HMCN1: variants seen among roughly 807,000 people sequenced by gnomAD.
The protein encoded by HMCN1 is hemicentin-1.
Under a neutral mutation model 625.9 loss-of-function variants are expected in HMCN1, and 321 were observed. The ratio of observed to expected loss-of-function variants is 0.51; its 90% CI spans 0.47 to 0.56. The LOEUF (loss-of-function observed/expected upper bound fraction) is 0.56, where lower values mean the gene tolerates loss of function less well. Among genes scored for constraint, HMCN1 ranks in the 20% least tolerant of loss-of-function variants. HMCN1 has a pLI of 0.00. For synonymous variants in HMCN1, 2,425 were observed against 2,417.6 expected (o/e 1.00, Z -0.09); for missense variants, 6,588 against 6,887.3 (o/e 0.96, Z 1.54).
chr1:185,897,709 T>C (rs1665566486), intron 4 of HMCN1, among the ~76,000 whole-genome samples: 2 of 152,148 alleles, frequency 1.3e-5, no homozygotes, highest in South Asian at 4.1e-4. Flanking sequence ...ACATACATTT[T>C]CTGTTATGTA....
chr1:186,071,178 A>G (rs986734450), intron 52 of HMCN1, among the ~76,000 whole-genome samples: 2 of 152,160 alleles, frequency 1.3e-5, no homozygotes, highest in African/African-American at 4.8e-5. Context: ...AAATGTTGCT[A>G]TCCCGGGTTA....
Position 186,073,174 on chromosome 1 carries a change from G to A in HMCN1, c.8140-1567G>A, listed in dbSNP as rs577050620. On this transcript the variant is annotated intron_variant, in intron 52 of 106. Transcript: ENST00000271588. ...TTAAAGTTGGGGAGCAGGGAGCGTA[G>A]TGTCCCAAAAGATAAGTGAAAAAGG... Among the ~76,000 whole-genome samples, 6 of 152,232 alleles carry A rather than the reference G, an allele frequency of 3.9e-5. No homozygotes were observed. In the South Asian group the frequency reaches 1.2e-3, roughly 32 times the overall value.
chr1:185,750,123 C>T (rs555061794), intron 1 of HMCN1, among the ~76,000 whole-genome samples: 1 of 152,262 alleles, frequency 6.6e-6, no homozygotes, highest in African/African-American at 2.4e-5. Flanking sequence ...AAGTTCTATG[C>T]TCTCTTCTAA....
chr1:185,989,107 A>C (rs1320306099), intron 20 of HMCN1, among the ~76,000 whole-genome samples: 1 of 145,624 alleles, frequency 6.9e-6, no homozygotes, highest in East Asian at 2.0e-4. Flanking sequence ...TCCCGGGTTC[A>C]CGCCATTCTC....
intron 1 of HMCN1, among the ~76,000 whole-genome samples, chr1:185,750,668 C>G (rs980839959): frequency 2.0e-5 from 3 of 151,970 alleles, no homozygotes; most frequent in African/African-American, 7.2e-5. Context: ...TTTTTCCCTT[C>G]CTTTATTTTC....
At chr1:185,903,213 T>C (rs1665913451) in intron 4 of HMCN1, among the ~76,000 whole-genome samples, 1 of 151,790 alleles carries the variant, frequency 6.6e-6, no homozygotes, top group Non-Finnish European at 1.5e-5. Context: ...ATGTCTAAAG[T>C]GTGCTTTTAT....
chr1:186,166,385 C>T, intron 99 of HMCN1, 82 bp downstream of exon 99: 2 of 1,535,952 alleles, frequency 1.3e-6, no homozygotes, highest in Non-Finnish European at 1.8e-6. Flanking sequence ...GACCCATTAT[C>T]TTCTTTCCTA....
At chr1:186,064,274 A>C (rs1657963313) in intron 48 of HMCN1, among the ~76,000 whole-genome samples, 1 of 151,980 alleles carries the variant, frequency 6.6e-6, no homozygotes, top group Admixed American at 6.6e-5. Context: ...TAAGTATTTG[A>C]ATAATTTAAA....
intron 1 of HMCN1, among the ~76,000 whole-genome samples, chr1:185,764,370 A>G (rs1047844694): frequency 6.6e-6 from 1 of 152,176 alleles, no homozygotes. Context: ...AGTGGTTAAT[A>G]TTTCAAGTGG....
At chr1:186,092,926 A>G (rs1659917887) in intron 64 of HMCN1, among the ~76,000 whole-genome samples, 1 of 152,108 alleles carries the variant, frequency 6.6e-6, no homozygotes. Context: ...GTCTTTGCCT[A>G]TGATTTGAAT....
In HMCN1 at chr1:185,981,039, C is replaced by A. The variant is rs1651596070; in HGVS notation, c.2628C>A (p.Ile876=). The A allele has an allele frequency of 5.6e-6, 9 of 1,611,356 alleles. No individual in the cohort carries two copies. Among genetic ancestry groups the A allele is most frequent in the Non-Finnish European group, 7.6e-6 (9 of 1,177,638 alleles). Residue 876 remains isoleucine (I), a synonymous_variant, in exon 17 of 107, where the codon ATC becomes ATA. Transcript: ENST00000271588. ...AAGCTGAAAACCAGTTTGGAAAGAT[C>A]CAGTCAGAGACAACAGTAACAGTGA... ...ICEAENQFGK[I]QSETTVTVTG...
At chr1:185,743,637 G>A (rs552679999) in intron 1 of HMCN1, among the ~76,000 whole-genome samples, 22 of 152,262 alleles carry the variant, frequency 1.4e-4, no homozygotes, top group African/African-American at 4.8e-4. Flanking sequence ...AAATCTACAG[G>A]GATTCTCAAC....
At chr1:185,954,056 C>T (rs1056289862) in intron 11 of HMCN1, among the ~76,000 whole-genome samples, 11 of 151,130 alleles carry the variant, frequency 7.3e-5, no homozygotes, top group Non-Finnish European at 1.5e-4. Context: ...AGGCAAGGAC[C>T]GGCCATTTAC....
intron 4 of HMCN1, among the ~76,000 whole-genome samples, chr1:185,879,620 T>C (rs1664168395): frequency 6.6e-6 from 1 of 152,226 alleles, no homozygotes; most frequent in South Asian, 2.1e-4. Flanking sequence ...GATTCAATAT[T>C]GAGCAAAAGT....
At chr1:186,134,322 G>C (rs1408354313) in intron 86 of HMCN1, among the ~76,000 whole-genome samples, 1 of 152,090 alleles carries the variant, frequency 6.6e-6, no homozygotes, top group African/African-American at 2.4e-5. Context: ...GAGTTTATTT[G>C]ATAATTTAGC....
intron 1 of HMCN1, among the ~76,000 whole-genome samples, chr1:185,845,181 TTAA>T: frequency 6.6e-6 from 1 of 152,308 alleles, no homozygotes; most frequent in Middle Eastern, 3.4e-3. Flanking sequence ...TCCTGCACTG[TTAA>T]TGTCCTTGCA....
At chr1:185,963,484 G>T (rs995295356) in intron 12 of HMCN1, among the ~76,000 whole-genome samples, 1 of 151,964 alleles carries the variant, frequency 6.6e-6, no homozygotes, top group African/African-American at 2.4e-5. Flanking sequence ...GTAAAACAGA[G>T]ATATTAATAG....
chr1:185,815,485 G>A (rs1659787764), intron 1 of HMCN1, among the ~76,000 whole-genome samples: 1 of 150,044 alleles, frequency 6.7e-6, no homozygotes, highest in South Asian at 2.1e-4. Flanking sequence ...TTAAACATAG[G>A]ATGTACTCCA....
At position 185,846,009 on chromosome 1, in the gene HMCN1, T is replaced by G. The variant is rs770170640; in HGVS notation, c.269-17T>G. 3 of 1,555,744 alleles carry G rather than the reference T, an allele frequency of 1.9e-6. No individual in the cohort carries two copies. Among genetic ancestry groups the G allele is most frequent in the East Asian group, 4.5e-5 (2 of 44,576 alleles). ...TTGATTACTGTTTATTGACCTATGTTATTTTTATCTTCACAGAAATTGGCC... is the reference window on the plus strand; with the variant it reads ...TTGATTACTGTTTATTGACCTATGTGATTTTTATCTTCACAGAAATTGGCC... On this transcript the variant is annotated splice_polypyrimidine_tract_variant and intron_variant, in intron 1 of 106. Transcript: ENST00000271588.
Sources: allele counts gnomAD v4.1 joint callset (sites outside exome capture counted in the v4.1 genomes callset), GRCh38; gene constraint gnomAD v4.1.1; transcripts MANE v1.5; gene names NCBI Gene and HGNC (gene_info 2026-07-23, HGNC 2026-07-21).